Variants in LYN observed in about 807,000 individuals in gnomAD.
The protein encoded by LYN is tyrosine-protein kinase Lyn.
Under a neutral mutation model 65.0 loss-of-function variants are expected in LYN, and 12 were observed. The observed-to-expected ratio is 0.18, with a 90% CI of 0.12 to 0.30. LYN has a LOEUF of 0.30. Among genes scored for constraint, LYN ranks in the 10% least tolerant of loss-of-function variants. The pLI, the probability that LYN is intolerant of heterozygous loss-of-function variation, is 1.00. For synonymous variants in LYN, 222 were observed against 221.2 expected (o/e 1.00, Z -0.03); for missense variants, 380 against 623.2 (o/e 0.61, Z 4.16).
At chr8:55,949,318 C>T (rs1203807086) in intron 4 of LYN, among the ~76,000 whole-genome samples, 1 of 152,182 alleles carries the variant, frequency 6.6e-6, no homozygotes, top group African/African-American at 2.4e-5. Context: ...AGATGGGAGC[C>T]ATTTGTACCA....
chr8:55,919,069 G>A (rs550417738), intron 1 of LYN, among the ~76,000 whole-genome samples: 55 of 144,322 alleles, frequency 3.8e-4, no homozygotes, highest in South Asian at 1.1e-3. Context: ...AGACATTCCC[G>A]ACAGGCAGGA....
chr8:55,896,148 T>A (rs1278377310), intron 1 of LYN, among the ~76,000 whole-genome samples: 1 of 151,056 alleles, frequency 6.6e-6, no homozygotes, highest in Non-Finnish European at 1.5e-5. Flanking sequence ...CATGCCCCTG[T>A]CATCCTAGCT....
intron 10 of LYN, among the ~76,000 whole-genome samples, chr8:55,980,939 G>A (rs1053970668): frequency 3.3e-5 from 5 of 151,964 alleles, no homozygotes; most frequent in Non-Finnish European, 5.9e-5. Flanking sequence ...AGCTCCCCGC[G>A]GCCGCTTGCT....
chr8:55,930,693 G>A (rs1419312574), intron 1 of LYN, among the ~76,000 whole-genome samples: 1 of 152,182 alleles, frequency 6.6e-6, no homozygotes, highest in Non-Finnish European at 1.5e-5. Flanking sequence ...TTATGCAAAT[G>A]GGGATGCGGC....
At chr8:55,935,218 A>AAG (rs1222278644) in intron 1 of LYN, among the ~76,000 whole-genome samples, 3 of 152,156 alleles carry the variant, frequency 2.0e-5, no homozygotes, top group Non-Finnish European at 4.4e-5. Context: ...AAGAAAAAAA[A>AAG]CAAAAACAAA....
At chr8:55,886,023 C>G (rs1363757006) in intron 1 of LYN, among the ~76,000 whole-genome samples, 1 of 152,146 alleles carries the variant, frequency 6.6e-6, no homozygotes, top group Admixed American at 6.5e-5. Context: ...CGAAGCCCAC[C>G]CTGGCCATGC....
chr8:55,895,571 C>T (rs1411860080), intron 1 of LYN: 1 of 152,100 alleles, frequency 6.6e-6, no homozygotes, highest in Non-Finnish European at 1.5e-5. Context: ...AGGAGGATCA[C>T]TTGAGGCCAG....
Position 56,009,936 on chromosome 8 carries a change from C to T in LYN, c.1365C>T (p.Ala455=). ...GAACTAATGCCGACGTGATGACCGC[C>T]CTGTCCCAGGGCTACAGGATGCCCC... ...PGRTNADVMT[A]LSQGYRMPRV... is the part of the protein sequence containing the mutation. The change falls in exon 13 of 13, where the codon GCC becomes GCT. Residue 455 remains alanine (A), a synonymous_variant. Coordinates refer to ENST00000519728, the MANE Select transcript of LYN (RefSeq NM_002350.4). 6.2e-7 allele frequency: 1 copy of T among 1,613,968 alleles called. No homozygotes were observed. Among genetic ancestry groups the T allele is most frequent in the South Asian group, 1.1e-5 (1 of 91,076 alleles).
chr8:55,891,581 G>A (rs1344929041), intron 1 of LYN, among the ~76,000 whole-genome samples: 1 of 152,180 alleles, frequency 6.6e-6, no homozygotes, highest in East Asian at 1.9e-4. Context: ...CAGAGTTTCA[G>A]TTTTGCAAGA....
chr8:55,983,949 A>G (rs1585665717), intron 10 of LYN, among the ~76,000 whole-genome samples: 1 of 152,210 alleles, frequency 6.6e-6, no homozygotes, highest in Non-Finnish European at 1.5e-5. Flanking sequence ...ATGAAGGTAT[A>G]GGCAGGGCTG....
At chr8:55,905,467 T>C (rs1805394521) in intron 1 of LYN, among the ~76,000 whole-genome samples, 1 of 152,050 alleles carries the variant, frequency 6.6e-6, no homozygotes, top group Non-Finnish European at 1.5e-5. Context: ...TGGTGGTCAG[T>C]GAATTAAGGT....
chr8:55,952,884 C>T (rs973778381), intron 7 of LYN, among the ~76,000 whole-genome samples: 5 of 152,190 alleles, frequency 3.3e-5, no homozygotes, highest in Admixed American at 3.3e-4. Flanking sequence ...ATGTCCCTGT[C>T]TCCAGTGCCA....
chr8:55,945,289 A>G (rs1016649054), intron 2 of LYN, among the ~76,000 whole-genome samples: 30 of 152,236 alleles, frequency 2.0e-4, no homozygotes, highest in Non-Finnish European at 8.8e-5. Flanking sequence ...TTTTAAAATG[A>G]TGTAATTAGT....
chr8:55,982,378 G>A (rs1158869930), intron 10 of LYN, among the ~76,000 whole-genome samples: 1 of 151,702 alleles, frequency 6.6e-6, no homozygotes, highest in East Asian at 1.9e-4. Context: ...AAAAAGTTTT[G>A]AATCTTGGAG....
intron 10 of LYN, among the ~76,000 whole-genome samples, chr8:55,985,771 G>A (rs1191227827): frequency 2.0e-5 from 3 of 152,210 alleles, no homozygotes; most frequent in Admixed American, 2.0e-4. Context: ...CTGCAACTGG[G>A]TGGGGCTTGT....
intron 8 of LYN, among the ~76,000 whole-genome samples, chr8:55,962,503 A>G (rs1413450725): frequency 3.3e-5 from 5 of 151,362 alleles, no homozygotes; most frequent in African/African-American, 1.2e-4. Flanking sequence ...GGGTGTGGCT[A>G]TGGTTCATTC....
chr8:55,984,825 G>A (rs917388009), intron 10 of LYN, among the ~76,000 whole-genome samples: 8 of 152,236 alleles, frequency 5.3e-5, no homozygotes, highest in Admixed American at 3.3e-4. Flanking sequence ...TGCAGTGTGT[G>A]TCAGTCATGA....
At chr8:55,973,079 CTG>C (rs1807655302) in intron 10 of LYN, among the ~76,000 whole-genome samples, 1 of 152,198 alleles carries the variant, frequency 6.6e-6, no homozygotes, top group Non-Finnish European at 1.5e-5. Flanking sequence ...ATAAGGGAAA[CTG>C]TGAGGGGCAG....
At chr8:55,884,284 C>T (rs1411374865) in intron 1 of LYN, among the ~76,000 whole-genome samples, 7 of 152,034 alleles carry the variant, frequency 4.6e-5, no homozygotes, top group Non-Finnish European at 1.0e-4. Context: ...TTTGTATTTC[C>T]TGTAGAAATG....
Sources: gnomAD v4.1 joint callset for allele counts (sites outside exome capture counted in the v4.1 genomes callset) on GRCh38, gnomAD v4.1.1 for gene constraint, MANE v1.5 for transcripts, NCBI Gene and HGNC (gene_info 2026-07-23, HGNC 2026-07-21) for gene names.